TFAP2D: variants seen among roughly 807,000 people sequenced by gnomAD.
The protein encoded by TFAP2D is transcription factor AP-2-delta.
A neutral mutation model predicts 43.6 loss-of-function variants in TFAP2D; 9 were observed. That is an observed-to-expected ratio of 0.21 (90% CI 0.12 to 0.36). TFAP2D has a LOEUF of 0.36. Ranked by LOEUF, TFAP2D falls within the 10% of genes least tolerant of loss-of-function variation. TFAP2D has a pLI of 1.00. For synonymous variants in TFAP2D, 256 were observed against 224.9 expected (o/e 1.14, Z -1.24); for missense variants, 513 against 561.4 (o/e 0.91, Z 0.87).
At chr6:50,731,340 T>G (rs1456181144) in intron 5 of TFAP2D, among the ~76,000 whole-genome samples, 1 of 152,040 alleles carries the variant, frequency 6.6e-6, no homozygotes, top group Non-Finnish European at 1.5e-5. Context: ...AATCTTTCAC[T>G]ATTGAATTCC....
At position 50,772,969 on chromosome 6, in the gene TFAP2D, T is replaced by C. The variant is rs925073046; in HGVS notation, c.*105T>C. The C allele has an allele frequency of 2.9e-6, 3 of 1,018,058 alleles. No individual in the cohort carries two copies. The highest frequency in any genetic ancestry group is 3.3e-5 in the African/African-American group (2 of 61,034). 63.1% of individuals were successfully genotyped at this position (1,018,058 alleles called of 1,614,324 possible). On this transcript the variant is annotated 3_prime_UTR_variant, in exon 8 of 8. Transcript: ENST00000008391. ...TCTTCAGTGGACCAAATCTCTACCCTTCCCCAACCCTCCATAAAAAAACAA... is the reference window on the plus strand; with the variant it reads ...TCTTCAGTGGACCAAATCTCTACCCCTCCCCAACCCTCCATAAAAAAACAA...
chr6:50,731,776 G>A (rs1768897995), intron 5 of TFAP2D, among the ~76,000 whole-genome samples: 1 of 151,848 alleles, frequency 6.6e-6, no homozygotes, highest in African/African-American at 2.4e-5. Context: ...TATTTCAGTT[G>A]GGTTGGTGGT....
intron 5 of TFAP2D, among the ~76,000 whole-genome samples, chr6:50,742,990 C>CACACACACACACAT (rs1271613664): frequency 4.0e-5 from 6 of 149,764 alleles, no homozygotes; most frequent in Non-Finnish European, 7.4e-5. Flanking sequence ...CACACACACA[C>CACACACACACACAT]ACACATCTTT....
At chr6:50,762,729 C>T (rs1487302534) in intron 7 of TFAP2D, among the ~76,000 whole-genome samples, 1 of 152,116 alleles carries the variant, frequency 6.6e-6, no homozygotes, top group Non-Finnish European at 1.5e-5. Context: ...ATAAACTACA[C>T]TAGTCTGAGT....
At chr6:50,755,087 G>A (rs1003961910) in intron 7 of TFAP2D, among the ~76,000 whole-genome samples, 14 of 151,894 alleles carry the variant, frequency 9.2e-5, no homozygotes, top group East Asian at 1.9e-4. Context: ...TTTTACAGCC[G>A]TATGTCTTGT....
chr6:50,732,133 T>C (rs1447409175), intron 5 of TFAP2D, among the ~76,000 whole-genome samples: 1 of 152,122 alleles, frequency 6.6e-6, no homozygotes, highest in Non-Finnish European at 1.5e-5. Context: ...TAGACATTTT[T>C]ATTTTCAAAA....
At chr6:50,751,457 C>T (rs147715068) in intron 7 of TFAP2D, 133 bp downstream of exon 7, 2 of 608,436 alleles carry the variant, frequency 3.3e-6, no homozygotes, top group Admixed American at 3.0e-5. Flanking sequence ...TGGGCTATAA[C>T]AAAATACCTT....
intron 6 of TFAP2D, among the ~76,000 whole-genome samples, chr6:50,746,385 G>A (rs1246133105): frequency 1.3e-5 from 2 of 151,846 alleles, no homozygotes; most frequent in Non-Finnish European, 2.9e-5. Flanking sequence ...CTACAGGCAT[G>A]AGCCAGCACA....
chr6:50,744,978 T>G, intron 5 of TFAP2D, 129 bp from the exon 6 acceptor site: 1 of 1,182,564 alleles, frequency 8.5e-7, no homozygotes, highest in Non-Finnish European at 1.2e-6. Context: ...TCTTTTTTCT[T>G]GAATAGTTTA....
intron 7 of TFAP2D, among the ~76,000 whole-genome samples, chr6:50,761,613 G>T (rs1301696954): frequency 6.6e-6 from 1 of 151,986 alleles, no homozygotes; most frequent in Admixed American, 6.6e-5. Flanking sequence ...TCCATAGAAG[G>T]TTGCTTCAGT....
chr6:50,744,394 G>A (rs1341214253), intron 5 of TFAP2D, among the ~76,000 whole-genome samples: 20 of 152,242 alleles, frequency 1.3e-4, no homozygotes, highest in South Asian at 4.1e-4. Context: ...GCTGCATAGT[G>A]TTCCATGGTA....
chr6:50,744,086 G>T (rs181631522), intron 5 of TFAP2D, among the ~76,000 whole-genome samples: 6 of 152,104 alleles, frequency 3.9e-5, no homozygotes, highest in African/African-American at 1.2e-4. Flanking sequence ...TGCATGTGCA[G>T]GTTTTAATAT....
chr6:50,740,382 A>C (rs1769023970), intron 5 of TFAP2D, among the ~76,000 whole-genome samples: 1 of 152,160 alleles, frequency 6.6e-6, no homozygotes, highest in Non-Finnish European at 1.5e-5. Context: ...TAGTTGTGTA[A>C]AGTAATTTTT....
intron 6 of TFAP2D, among the ~76,000 whole-genome samples, chr6:50,749,203 G>A (rs923362892): frequency 2.6e-5 from 4 of 151,572 alleles, no homozygotes; most frequent in Admixed American, 2.0e-4. Flanking sequence ...TATTACTCCT[G>A]GTAGATCCTC....
At chr6:50,754,720 T>C (rs1412353408) in intron 7 of TFAP2D, among the ~76,000 whole-genome samples, 2 of 151,988 alleles carry the variant, frequency 1.3e-5, no homozygotes, top group Non-Finnish European at 2.9e-5. Flanking sequence ...ACTTCTCTAA[T>C]GATTAGTGAT....
At chr6:50,734,681 A>G (rs568981054) in intron 5 of TFAP2D, among the ~76,000 whole-genome samples, 404 of 152,224 alleles carry the variant, frequency 2.7e-3, no homozygotes, top group Non-Finnish European at 4.9e-3. Context: ...TTCTCATTCT[A>G]TAAGAACTAA....
intron 7 of TFAP2D, among the ~76,000 whole-genome samples, chr6:50,760,536 G>C (rs1297860285): frequency 6.6e-6 from 1 of 152,040 alleles, no homozygotes; most frequent in Non-Finnish European, 1.5e-5. Flanking sequence ...TTTGCTTAAT[G>C]AGTTGATGTC....
intron 6 of TFAP2D, among the ~76,000 whole-genome samples, chr6:50,746,147 C>T (rs1413926730): frequency 1.3e-5 from 2 of 151,986 alleles, no homozygotes; most frequent in Non-Finnish European, 2.9e-5. Context: ...ATTTTTAATT[C>T]TATATTAAGA....
At chr6:50,770,414 A>ATT (rs67721228) in intron 7 of TFAP2D, among the ~76,000 whole-genome samples, 5 of 151,244 alleles carry the variant, frequency 3.3e-5, no homozygotes, top group African/African-American at 1.2e-4. Flanking sequence ...AGAGATGGGA[A>ATT]TTTTTTTTTC....
Sources: gnomAD v4.1 joint callset for allele counts (sites outside exome capture counted in the v4.1 genomes callset) on GRCh38, gnomAD v4.1.1 for gene constraint, MANE v1.5 for transcripts, NCBI Gene and HGNC (gene_info 2026-07-23, HGNC 2026-07-21) for gene names.